Variants in HSPH1 observed in about 807,000 individuals in gnomAD.
HSPH1 encodes the protein heat shock protein family H (Hsp110) member 1.
A neutral mutation model predicts 100.0 loss-of-function variants in HSPH1; 40 were observed. That is an observed-to-expected ratio of 0.40 (90% CI 0.31 to 0.52). The LOEUF (loss-of-function observed/expected upper bound fraction) is 0.52, where lower values mean the gene tolerates loss of function less well. Among genes scored for constraint, HSPH1 ranks in the 20% least tolerant of loss-of-function variants. The pLI is 0.54. For missense variants in HSPH1, 876 were observed against 1,015.1 expected (o/e 0.86, Z 1.86); for synonymous variants, 403 against 344.0 (o/e 1.17, Z -1.90).
rs761637490 is a variant in HSPH1, at chr13:31,138,535, T to C, written c.2242A>G (p.Met748Val). The change falls in exon 17 of 18, where the codon ATG (methionine) becomes GTG (valine). Residue 748 changes from methionine (M) to valine (V), a missense_variant. Physicochemically the swap from Met to Val is conservative, Grantham distance 21. Coordinates refer to ENST00000320027, the MANE Select transcript of HSPH1 (RefSeq NM_006644.4). Reference sequence around the variant, plus strand: ...TTAACAGACTTCTCCACTTTTTTCATTTCAGACTCATCAATATGGTTGTAT... The same window carrying C: ...TTAACAGACTTCTCCACTTTTTTCACTTCAGACTCATCAATATGGTTGTAT... The part of the protein sequence containing the change: ...EKYNHIDESE[M>V]KKVEKSVNEV... 1 of 1,612,650 alleles carries C rather than the reference T, an allele frequency of 6.2e-7. No individual in the cohort carries two copies. The highest frequency in any genetic ancestry group is 8.5e-7 in the Non-Finnish European group (1 of 1,179,242).
chr13:31,140,992 T>C (rs1170234896), intron 13 of HSPH1, 130 bp downstream of exon 13: 9 of 570,110 alleles, frequency 1.6e-5, no homozygotes, highest in Non-Finnish European at 2.6e-5. Context: ...TTTGTCTTCA[T>C]CCTATCCCTA....
At chr13:31,158,504 G>T (rs1258660196) in intron 2 of HSPH1, among the ~76,000 whole-genome samples, 1 of 141,348 alleles carries the variant, frequency 7.1e-6, no homozygotes, top group East Asian at 2.1e-4. Context: ...AGCCGAGATC[G>T]CGCCACTGCA....
chr13:31,161,900 G>C lies in HSPH1; in HGVS notation c.-318C>G, dbSNP rs1200719726. ...ACACCGGCGCCGGCGCTGAACTACC[G>C]ACCCAAAAGGGGAGGTCCCACTTCC... On this transcript the variant is annotated 5_prime_UTR_variant, in exon 1 of 18. Transcript: ENST00000320027. 5.3e-6 allele frequency: 8 copies of C among 1,500,866 alleles called. No individual in the cohort carries two copies. The highest frequency in any genetic ancestry group is 7.1e-6 in the Non-Finnish European group (8 of 1,125,916). The allele number at this position is 1,500,866 out of a possible 1,614,324, so 93.0% of individuals were successfully genotyped here.
At chr13:31,145,418 G>T (rs879148774) in intron 11 of HSPH1, 145 bp downstream of exon 11, 4 of 640,832 alleles carry the variant, frequency 6.2e-6, no homozygotes, top group Non-Finnish European at 1.1e-5. Flanking sequence ...CCACTAACCG[G>T]CAAGCGCTAT....
At chr13:31,148,167 G>C in intron 9 of HSPH1, 75 bp from the exon 10 acceptor site, 1 of 1,416,672 alleles carries the variant, frequency 7.1e-7, no homozygotes, top group Non-Finnish European at 9.7e-7. Flanking sequence ...AAACAGAAAA[G>C]AGGCTTTCTA....
At chr13:31,141,867 T>A (rs1269247066) in intron 12 of HSPH1, among the ~76,000 whole-genome samples, 4 of 151,640 alleles carry the variant, frequency 2.6e-5, no homozygotes, top group Non-Finnish European at 5.9e-5. Flanking sequence ...TCATTTCTCA[T>A]AAGCAACTTT....
At chr13:31,145,411 C>A in intron 11 of HSPH1, 152 bp downstream of exon 11, 1 of 634,202 alleles carries the variant, frequency 1.6e-6, no homozygotes, top group East Asian at 2.7e-5. Flanking sequence ...TGTATTACCA[C>A]TAACCGGCAA....
At chr13:31,148,508 C>T in intron 8 of HSPH1, 28 bp from the exon 9 acceptor site, 1 of 860,138 alleles carries the variant, frequency 1.2e-6, no homozygotes, top group Non-Finnish European at 1.7e-6. Context: ...AAATCATGAG[C>T]ACATGAACAC....
At position 31,140,553 on chromosome 13, in the gene HSPH1, T is replaced by TAAAA. The variant is rs35691238; in HGVS notation, c.1855-248_1855-245dup. 34 of 158,786 alleles carry TAAAA rather than the reference T, an allele frequency of 2.1e-4. 1 individual carries two copies. The highest frequency in any genetic ancestry group is 2.7e-3 in the Middle Eastern group (1 of 376). 9.8% of individuals were successfully genotyped at this position (158,786 alleles called of 1,614,324 possible). ...ATTACACAGACTTCATATTTAATGC[T>TAAAA]AAAAAAAAAAAAAAAAAATCAAGCT... On this transcript the variant is annotated intron_variant, in intron 13 of 17. Coordinates refer to ENST00000320027, the MANE Select transcript of HSPH1 (RefSeq NM_006644.4).
Position 31,150,027 on chromosome 13 carries a change from G to C in HSPH1, c.1064C>G (p.Ala355Gly). ...TRIPAVKERI[A>G]KFFGKDISTT... ...GCTAATATCTTTTCCAAAGAATTTG[G>C]CAATTCTTTCCTTCACAGCTGGAAT... The change falls in exon 8 of 18, where the codon GCC (alanine) becomes GGC (glycine). Residue 355 changes from alanine (A) to glycine (G), a missense_variant. Coordinates refer to ENST00000320027, the MANE Select transcript of HSPH1 (RefSeq NM_006644.4). 2 of 1,613,758 alleles carry C rather than the reference G, an allele frequency of 1.2e-6. No homozygotes were observed. Among genetic ancestry groups the C allele is most frequent in the South Asian group, 1.1e-5 (1 of 91,068 alleles).
rs1162964075 is a variant in HSPH1 at position 31,161,684 on chromosome 13, C to G, written c.-102G>C. On this transcript the variant is annotated 5_prime_UTR_variant, in exon 1 of 18. Transcript: ENST00000320027. ...CTTTCTGCCCTGGCCGCGTTCTGCTCCGGCCCGCGGGGTCTGGCCGTTCCT... is the reference window on the plus strand; with the variant it reads ...CTTTCTGCCCTGGCCGCGTTCTGCTGCGGCCCGCGGGGTCTGGCCGTTCCT... 1.9e-6 allele frequency: 3 copies of G among 1,552,972 alleles called. No homozygotes were observed. The highest frequency in any genetic ancestry group is 1.7e-4 in the Middle Eastern group (1 of 5,950).
rs1238740299 is a variant in HSPH1, at chr13:31,137,391, C to T, written c.2504G>A (p.Gly835Asp). 1 of 1,613,338 alleles carries T rather than the reference C, an allele frequency of 6.2e-7. No homozygotes were observed. The highest frequency in any genetic ancestry group is 8.5e-7 in the Non-Finnish European group (1 of 1,179,582). The change falls in exon 18 of 18, where the codon GGT becomes GAT. Residue 835 changes from glycine to aspartate, a missense_variant. By Grantham distance (94) the Gly-to-Asp change is moderately conservative. Coordinates refer to ENST00000320027, the MANE Select transcript of HSPH1 (RefSeq NM_006644.4). ...EEDLEDKNNF[G>D]AEPPHQNGEC... ...ACCATTCTGATGTGGAGGTTCAGCA[C>T]CAAAATTGTTTTTGTCTTCTAAATC...
intron 2 of HSPH1, among the ~76,000 whole-genome samples, chr13:31,157,836 T>G (rs1956753837): frequency 6.6e-6 from 1 of 152,160 alleles, no homozygotes; most frequent in African/African-American, 2.4e-5. Flanking sequence ...TGGTAAGAGA[T>G]TAGATTAATT....
At position 31,158,356 on chromosome 13, in the gene HSPH1, C is replaced by G. The variant is rs118007018; in HGVS notation, c.165+450G>C. Among the ~76,000 whole-genome samples the G allele has an allele frequency of 8.8e-3, 1,341 of 152,172 alleles. 6 individuals are homozygous for G. Among genetic ancestry groups the G allele is most frequent in the Non-Finnish European group, 0.014 (926 of 67,988 alleles). The stretch of plus-strand genomic sequence containing the variant: ...ACGAGCTCAGGAGTTCGAGATCAGT[C>G]TGACCAACATGGTGAAACCCCATCT... On this transcript the variant is annotated intron_variant, in intron 2 of 17. Transcript: ENST00000320027.
chr13:31,160,653 A>C (rs111599336), intron 1 of HSPH1, among the ~76,000 whole-genome samples: 3,168 of 152,302 alleles, frequency 0.021, 120 homozygotes, highest in African/African-American at 0.073. Context: ...TAGAATATTT[A>C]GTTCAGTGAC....
At chr13:31,155,446 C>G (rs1420976812) in intron 3 of HSPH1, 68 bp downstream of exon 3, 1 of 1,291,418 alleles carries the variant, frequency 7.7e-7, no homozygotes, top group African/African-American at 1.5e-5. Context: ...TAAGTAATAA[C>G]TCAAATAAGT....
rs1955888405 is a variant in HSPH1 at position 31,136,558 on chromosome 13, T to C, written c.*760A>G. On this transcript the variant is annotated 3_prime_UTR_variant, in exon 18 of 18. Coordinates refer to ENST00000320027, the MANE Select transcript of HSPH1 (RefSeq NM_006644.4). ...AAAAAAGAAAAACTGGACACTAACT[T>C]CATTTCTGCTAGAATAATTCATATT... 1 of 152,592 alleles carries C rather than the reference T, an allele frequency of 6.6e-6. No homozygotes were observed. The highest frequency in any genetic ancestry group is 2.1e-4 in the South Asian group (1 of 4,828). The allele number at this position is 152,592 out of a possible 1,614,324, so 9.5% of individuals were successfully genotyped here. A position where few individuals can be genotyped will look rare whatever the true frequency, so the allele number is the denominator to read the frequency against.
At chr13:31,148,512 T>C in intron 8 of HSPH1, 32 bp from the exon 9 acceptor site, 2 of 840,958 alleles carry the variant, frequency 2.4e-6, no homozygotes. Flanking sequence ...CATGAGCACA[T>C]GAACACTTCC....
intron 17 of HSPH1, 112 bp from the exon 18 acceptor site, chr13:31,137,636 A>C (rs1955930291): frequency 4.1e-6 from 3 of 728,722 alleles, no homozygotes; most frequent in Non-Finnish European, 6.8e-6. Flanking sequence ...AATTACACAT[A>C]AAATAATTAC....
Sources: gnomAD v4.1 joint callset for allele counts (sites outside exome capture counted in the v4.1 genomes callset) on GRCh38, gnomAD v4.1.1 for gene constraint, MANE v1.5 for transcripts, NCBI Gene and HGNC (gene_info 2026-07-23, HGNC 2026-07-21) for gene names.